Variants in GRM7 observed in about 807,000 individuals in gnomAD.
GRM7 encodes metabotropic glutamate receptor 7.
Under a neutral mutation model 84.5 loss-of-function variants are expected in GRM7, and 35 were observed. That is an observed-to-expected ratio of 0.41 (90% CI 0.32 to 0.55). GRM7 has a LOEUF of 0.55. Among genes scored for constraint, GRM7 ranks in the 20% least tolerant of loss-of-function variants. The pLI is 0.19. For synonymous variants in GRM7, 487 were observed against 455.1 expected, an observed-to-expected ratio of 1.07 and a Z score of -0.89; for missense variants, 1,003 against 1,194.6, an observed-to-expected ratio of 0.84 and a Z score of 2.36.
intron 7 of GRM7, among the ~76,000 whole-genome samples, chr3:7,479,016 G>T (rs1434843756): frequency 6.6e-6 from 1 of 152,102 alleles, no homozygotes; most frequent in Non-Finnish European, 1.5e-5. Flanking sequence ...GGCCTCAGAA[G>T]TCCGGCTTGG....
chr3:7,717,386 G>C (rs1361041363), intron 9 of GRM7, among the ~76,000 whole-genome samples: 1 of 152,008 alleles, frequency 6.6e-6, no homozygotes, highest in Non-Finnish European at 1.5e-5. Context: ...AAAAAAAATT[G>C]CACAGGTGGT....
chr3:6,934,859 G>GA (rs977179481), intron 1 of GRM7, among the ~76,000 whole-genome samples: 8 of 151,812 alleles, frequency 5.3e-5, no homozygotes, highest in Admixed American at 2.6e-4. Context: ...TATGCCCTGA[G>GA]AAAAAAAAGA....
intron 8 of GRM7, among the ~76,000 whole-genome samples, chr3:7,632,800 T>G (rs1697914252): frequency 6.6e-6 from 1 of 152,234 alleles, no homozygotes; most frequent in African/African-American, 2.4e-5. Context: ...ATTTCCCAGC[T>G]GCATTTTGCA....
intron 2 of GRM7, among the ~76,000 whole-genome samples, chr3:7,222,033 T>G (rs560907565): frequency 1.3e-5 from 2 of 152,034 alleles, no homozygotes; most frequent in Non-Finnish European, 2.9e-5. Context: ...GGTTTCGAAC[T>G]CCTGACCTCA....
intron 5 of GRM7, among the ~76,000 whole-genome samples, chr3:7,421,954 G>A (rs548859057): frequency 1.3e-5 from 2 of 150,068 alleles, no homozygotes; most frequent in African/African-American, 4.9e-5. Flanking sequence ...GCCAGAAGTG[G>A]TGACACACAT....
intron 7 of GRM7, among the ~76,000 whole-genome samples, chr3:7,488,599 C>G (rs1018018306): frequency 6.6e-6 from 1 of 152,204 alleles, no homozygotes; most frequent in Non-Finnish European, 1.5e-5. Flanking sequence ...TTCTCCATGA[C>G]ATTGTAATGC....
At chr3:6,945,662 A>G (rs1219719645) in intron 1 of GRM7, among the ~76,000 whole-genome samples, 2 of 152,252 alleles carry the variant, frequency 1.3e-5, no homozygotes, top group East Asian at 1.9e-4. Flanking sequence ...TGGTTGAACT[A>G]GTTTACAGTC....
chr3:6,884,331 G>A (rs1268061901), intron 1 of GRM7: 1 of 152,588 alleles, frequency 6.6e-6, no homozygotes, highest in East Asian at 1.9e-4. Context: ...GTCATTGGGA[G>A]TATTAAGTAG....
At chr3:6,896,339 G>A (rs1203150165) in intron 1 of GRM7, among the ~76,000 whole-genome samples, 1 of 152,144 alleles carries the variant, frequency 6.6e-6, no homozygotes, top group African/African-American at 2.4e-5. Flanking sequence ...TCTAAGCCAA[G>A]CCTGTTTTGG....
chr3:6,937,867 C>T (rs1279209508), intron 1 of GRM7, among the ~76,000 whole-genome samples: 1 of 152,194 alleles, frequency 6.6e-6, no homozygotes, highest in African/African-American at 2.4e-5. Flanking sequence ...AACACACTGC[C>T]ACTTATTGAG....
At chr3:7,057,503 C>G (rs190715135) in intron 1 of GRM7, among the ~76,000 whole-genome samples, 1 of 151,998 alleles carries the variant, frequency 6.6e-6, no homozygotes, top group African/African-American at 2.4e-5. Flanking sequence ...ATCTGAATCT[C>G]AGATAAAAAC....
chr3:7,389,808 A>G (rs1694921665), intron 4 of GRM7, among the ~76,000 whole-genome samples: 3 of 150,800 alleles, frequency 2.0e-5, no homozygotes, highest in African/African-American at 4.9e-5. Context: ...CCAATTTGCC[A>G]CTCTATTTTT....
intron 4 of GRM7, among the ~76,000 whole-genome samples, chr3:7,344,757 T>G (rs1499199): frequency 0.39 from 58,835 of 151,918 alleles, 11,569 homozygotes; most frequent in South Asian, 0.46. Context: ...AGTGGATACT[T>G]GAGGCTCAGA....
chr3:7,217,005 C>G (rs1158769027), intron 2 of GRM7, among the ~76,000 whole-genome samples: 1 of 152,078 alleles, frequency 6.6e-6, no homozygotes, highest in Non-Finnish European at 1.5e-5. Flanking sequence ...TTTTTCATCC[C>G]AACGAAATCG....
chr3:7,648,323 A>T (rs970083909), intron 8 of GRM7, among the ~76,000 whole-genome samples: 1 of 151,898 alleles, frequency 6.6e-6, no homozygotes, highest in African/African-American at 2.4e-5. Flanking sequence ...CATATTGATA[A>T]TTGAAGCAAG....
intron 5 of GRM7, among the ~76,000 whole-genome samples, chr3:7,418,804 A>G (rs1214212109): frequency 6.6e-6 from 1 of 152,212 alleles, no homozygotes; most frequent in East Asian, 1.9e-4. Context: ...TTAAGAAACC[A>G]TTGGTTTTGG....
At chr3:6,946,096 G>C (rs1280227644) in intron 1 of GRM7, among the ~76,000 whole-genome samples, 4 of 152,108 alleles carry the variant, frequency 2.6e-5, no homozygotes, top group Non-Finnish European at 5.9e-5. Context: ...GTCTTTTGTT[G>C]CCATTGCTTT....
At position 7,568,775 on chromosome 3, in the gene GRM7, C is replaced by T. The variant is rs965516279; in HGVS notation, c.1516-9647C>T. 2.6e-5 allele frequency among the ~76,000 whole-genome samples: 4 copies of T among 152,172 alleles called. No individual in the cohort carries two copies. In the South Asian group the frequency reaches 8.3e-4, roughly 31 times the overall value. On this transcript the variant is annotated intron_variant, in intron 7 of 9. Transcript: ENST00000357716. ...GCGGAGGGTGTACTGGGTCCCCCAACAGTACCGGCCCACTGGCGCTGCGCT... is the reference window on the plus strand; with the variant it reads ...GCGGAGGGTGTACTGGGTCCCCCAATAGTACCGGCCCACTGGCGCTGCGCT...
chr3:7,656,541 G>GCACACA (rs1304438630), intron 8 of GRM7, among the ~76,000 whole-genome samples: 13 of 58,276 alleles, frequency 2.2e-4, no homozygotes, highest in African/African-American at 2.0e-4. Context: ...ATATATATAC[G>GCACACA]CGCGCGCACA....
Sources: allele counts gnomAD v4.1 joint callset (sites outside exome capture counted in the v4.1 genomes callset), GRCh38; gene constraint gnomAD v4.1.1; transcripts MANE v1.5; gene names NCBI Gene and HGNC (gene_info 2026-07-23, HGNC 2026-07-21).